The following NEK6 variants were observed in gnomAD, a reference collection of about 807,000 sequenced individuals.
The protein encoded by NEK6 is serine/threonine-protein kinase Nek6.
Under a neutral mutation model 43.5 loss-of-function variants are expected in NEK6, and 27 were observed. That is an observed-to-expected ratio of 0.62 (90% CI 0.46 to 0.86). NEK6 has a LOEUF of 0.86. Among genes scored for constraint, NEK6 ranks in the 40% least tolerant of loss-of-function variants. The pLI is 0.00. For missense variants in NEK6, 318 were observed against 414.4 expected (o/e 0.77, Z 2.02); for synonymous variants, 167 against 164.1 (o/e 1.02, Z -0.14).
chr9:124,313,973 C>G lies in NEK6; in HGVS notation c.282C>G (p.Ile94Met). The G allele has an allele frequency of 1.2e-6, 2 of 1,614,144 alleles. No homozygotes were observed. Among genetic ancestry groups the G allele is most frequent in the Non-Finnish European group, 1.7e-6 (2 of 1,179,976 alleles). Residue 94 changes from isoleucine to methionine, a missense_variant, in exon 4 of 10, where the codon ATC becomes ATG. Ile to Met is a conservative substitution (Grantham distance 10). This residue lies in a region of NEK6 where 239 missense variants were observed against 344.4 expected (regional missense o/e 0.69). Coordinates refer to ENST00000320246, the MANE Select transcript of NEK6 (RefSeq NM_014397.6). ...CGAGGCAGGACTGTGTCAAGGAGAT[C>G]GGCCTCTTGAAGGTGAGCACCCTGG... is the stretch of plus-strand genomic sequence containing the variant. ...AKARQDCVKE[I>M]GLLKQLNHPN...
At chr9:124,332,838 C>A (rs1167160260) in intron 7 of NEK6, among the ~76,000 whole-genome samples, 2 of 152,104 alleles carry the variant, frequency 1.3e-5, no homozygotes, top group Non-Finnish European at 2.9e-5. Flanking sequence ...ATCGGGAGTT[C>A]TAGGTAAAGA....
chr9:124,278,177 C>G (rs1236405674), intron 1 of NEK6, among the ~76,000 whole-genome samples: 4 of 152,148 alleles, frequency 2.6e-5, no homozygotes, highest in Non-Finnish European at 5.9e-5. Flanking sequence ...AGGTGTGTAG[C>G]CCAGGAGTGA....
intron 5 of NEK6, among the ~76,000 whole-genome samples, chr9:124,325,672 G>C (rs961115118): frequency 1.3e-5 from 2 of 152,242 alleles, no homozygotes; most frequent in African/African-American, 4.8e-5. Flanking sequence ...AGCTCACTCA[G>C]TGTGGCCGGG....
intron 1 of NEK6, among the ~76,000 whole-genome samples, chr9:124,271,845 C>T (rs1831450292): frequency 1.3e-5 from 2 of 152,264 alleles, no homozygotes; most frequent in South Asian, 4.1e-4. Context: ...GATCTCAGGG[C>T]CACAGCTCCA....
At chr9:124,330,254 A>G (rs1032585629) in intron 7 of NEK6, among the ~76,000 whole-genome samples, 15 of 152,270 alleles carry the variant, frequency 9.9e-5, no homozygotes, top group African/African-American at 2.7e-4. Flanking sequence ...ATTACCAGGC[A>G]GCAGATCATA....
intron 1 of NEK6, among the ~76,000 whole-genome samples, chr9:124,267,890 G>T (rs771605933): frequency 6.8e-6 from 1 of 146,422 alleles, no homozygotes; most frequent in African/African-American, 2.5e-5. Flanking sequence ...ATGGTGTTCT[G>T]TGTCTTCAGA....
chr9:124,341,408 GGGCTC>G (rs1829618902), intron 8 of NEK6, among the ~76,000 whole-genome samples: 1 of 150,052 alleles, frequency 6.7e-6, no homozygotes, highest in African/African-American at 2.5e-5. Flanking sequence ...CCTTCTCCCA[GGGCTC>G]AGCAGATGCA....
chr9:124,313,859 G>C, intron 3 of NEK6, 64 bp from the exon 4 acceptor site: 2 of 1,560,182 alleles, frequency 1.3e-6, no homozygotes, highest in South Asian at 2.2e-5. Context: ...AGACCCCGTG[G>C]CCTCCTTTGG....
rs1368005824 is a variant in NEK6, at chr9:124,326,284, G to T, written c.406-46G>T. Reference sequence around the variant, plus strand: ...GTGCCCTGTGGCCACCCACCTCCAAGCCCGCTCACCCGGGCCTATCCCTCT... The same window carrying T: ...GTGCCCTGTGGCCACCCACCTCCAATCCCGCTCACCCGGGCCTATCCCTCT... On this transcript the variant is annotated intron_variant, in intron 5 of 9. Transcript: ENST00000320246. The surrounding 1 kb of genome is among the most constrained non-coding windows in gnomAD (Gnocchi z 4.5). 2 of 1,351,358 alleles carry T rather than the reference G, an allele frequency of 1.5e-6. No individual in the cohort carries two copies. The highest frequency in any genetic ancestry group is 2.0e-6 in the Non-Finnish European group (2 of 985,506). The allele number at this position is 1,351,358 out of a possible 1,614,324, so 83.7% of individuals were successfully genotyped here. A position where few individuals can be genotyped will look rare whatever the true frequency, so the allele number is the denominator to read the frequency against.
chr9:124,341,095 G>T (rs898028372), intron 8 of NEK6, among the ~76,000 whole-genome samples: 6 of 152,128 alleles, frequency 3.9e-5, no homozygotes, highest in Admixed American at 2.0e-4. Context: ...CGGGCTGGAG[G>T]GCAGTGGCGC....
rs1045808677 is a variant in NEK6 at position 124,343,196 on chromosome 9, G to C, written c.717+3531G>C. ...TTTGTTGGAGTGAGTGGGGCTGTGC[G>C]GCTCGCAGCTGGGGGGGCTGGACCA... On this transcript the variant is annotated intron_variant, in intron 8 of 9. Coordinates refer to ENST00000320246, the MANE Select transcript of NEK6 (RefSeq NM_014397.6). The surrounding 1 kb of genome is among the most constrained non-coding windows in gnomAD (Gnocchi z 5.1). Among the ~76,000 whole-genome samples, 1 of 151,582 alleles carries C rather than the reference G, an allele frequency of 6.6e-6. No individual in the cohort carries two copies. The highest frequency in any genetic ancestry group is 1.5e-5 in the Non-Finnish European group (1 of 67,848).
chr9:124,264,841 AG>A, intron 1 of NEK6, among the ~76,000 whole-genome samples: 1 of 142,234 alleles, frequency 7.0e-6, no homozygotes, highest in Non-Finnish European at 1.5e-5. Context: ...AAAAAAAAAG[AG>A]TTCTGCAAAG....
intron 1 of NEK6, chr9:124,292,839 C>T: frequency 7.0e-7 from 1 of 1,437,766 alleles, no homozygotes; most frequent in Non-Finnish European, 9.2e-7. Flanking sequence ...AGGACATTTC[C>T]ATGTTCAAGG....
chr9:124,325,429 C>G (rs1834285929), intron 5 of NEK6, among the ~76,000 whole-genome samples: 1 of 152,228 alleles, frequency 6.6e-6, no homozygotes, highest in Admixed American at 6.5e-5. Flanking sequence ...TTCCCAGCAC[C>G]AGAGCAGCTG....
chr9:124,333,305 G>A (rs1829109484), intron 7 of NEK6, among the ~76,000 whole-genome samples: 1 of 152,232 alleles, frequency 6.6e-6, no homozygotes, highest in African/African-American at 2.4e-5. Context: ...ATCACAGGAA[G>A]AGGTGCTGTA....
chr9:124,315,174 G>A lies in NEK6; in HGVS notation c.294+1189G>A, dbSNP rs896039882. On this transcript the variant is annotated intron_variant, in intron 4 of 9. Transcript: ENST00000320246. ...GCAGATGGTGACCTTCCAGGGTGAT[G>A]CAGATTGACTGGTGGGCCAGGAGCC... Among the ~76,000 whole-genome samples the A allele has an allele frequency of 2.6e-5, 4 of 152,272 alleles. No homozygotes were observed. The South Asian group carries it at 8.3e-4, about 32-fold the overall frequency.
chr9:124,326,302 A>T lies in NEK6; in HGVS notation c.406-28A>T. On this transcript the variant is annotated intron_variant, in intron 5 of 9. Coordinates refer to ENST00000320246, the MANE Select transcript of NEK6 (RefSeq NM_014397.6). This position sits in a 1 kb window ranked among gnomAD's most constrained non-coding sequence, Gnocchi z 4.5. ...CCTCCAAGCCCGCTCACCCGGGCCT[A>T]TCCCTCTGCTTGTCTCCCCCACTGC... is the stretch of plus-strand genomic sequence containing the variant. The T allele has an allele frequency of 6.6e-7, 1 of 1,517,418 alleles. No individual in the cohort carries two copies. Among genetic ancestry groups the T allele is most frequent in the Non-Finnish European group, 9.0e-7 (1 of 1,111,028 alleles). 94.0% of individuals were successfully genotyped at this position (1,517,418 alleles called of 1,614,324 possible). A position where few individuals can be genotyped will look rare whatever the true frequency, so the allele number is the denominator to read the frequency against.
chr9:124,301,871 G>A (rs555455092), intron 1 of NEK6, 65 bp from the exon 2 acceptor site: 21 of 1,341,464 alleles, frequency 1.6e-5, no homozygotes, highest in South Asian at 6.3e-5. Flanking sequence ...TGGGGTGAGC[G>A]AAAGTCCCTC....
chr9:124,348,598 A>G (rs1181903554), intron 9 of NEK6, among the ~76,000 whole-genome samples: 1 of 152,152 alleles, frequency 6.6e-6, no homozygotes, highest in East Asian at 1.9e-4. Context: ...GATAATATTA[A>G]ATCTTCCACA....
Sources: allele counts gnomAD v4.1 joint callset (sites outside exome capture counted in the v4.1 genomes callset), GRCh38; gene constraint gnomAD v4.1.1; regional missense constraint gnomAD v4.1.1; non-coding constraint Gnocchi (gnomAD v3.1); transcripts MANE v1.5; gene names NCBI Gene and HGNC (gene_info 2026-07-23, HGNC 2026-07-21).